The following TBC1D8 variants were observed in gnomAD, a reference collection of about 807,000 sequenced individuals.
TBC1D8 encodes TBC1 domain family member 8.
TBC1D8 carries 65 observed loss-of-function variants against 118.8 expected under a neutral mutation model. The ratio of observed to expected loss-of-function variants is 0.55; its 90% CI spans 0.45 to 0.67. TBC1D8 has a LOEUF of 0.67. Among genes scored for constraint, TBC1D8 ranks in the 30% least tolerant of loss-of-function variants. The pLI, the probability that TBC1D8 is intolerant of heterozygous loss-of-function variation, is 0.00. For synonymous variants in TBC1D8, 566 were observed against 595.8 expected, an observed-to-expected ratio of 0.95 and a Z score of 0.73; for missense variants, 1,376 against 1,471.2, an observed-to-expected ratio of 0.94 and a Z score of 1.06.
At chr2:101,067,451 C>T (rs137893528) in intron 2 of TBC1D8, among the ~76,000 whole-genome samples, 52 of 152,242 alleles carry the variant, frequency 3.4e-4, no homozygotes, top group African/African-American at 1.2e-3. Flanking sequence ...TAGACCACCA[C>T]GATAAAGCAA....
intron 1 of TBC1D8, among the ~76,000 whole-genome samples, chr2:101,097,217 T>G (rs1265381272): frequency 1.3e-5 from 2 of 151,954 alleles, no homozygotes; most frequent in Non-Finnish European, 2.9e-5. Context: ...CTATATCCAG[T>G]GAAATTATCC....
At chr2:101,049,066 C>T (rs1013630684) in intron 5 of TBC1D8, among the ~76,000 whole-genome samples, 2 of 152,294 alleles carry the variant, frequency 1.3e-5, no homozygotes, top group Non-Finnish European at 2.9e-5. Flanking sequence ...GCTGCAAACA[C>T]GGGCATACAA....
intron 1 of TBC1D8, among the ~76,000 whole-genome samples, chr2:101,115,290 A>C (rs1677771702): frequency 6.6e-6 from 1 of 152,248 alleles, no homozygotes; most frequent in South Asian, 2.1e-4. Context: ...GAAAAAAATC[A>C]AATGAAATTA....
intron 5 of TBC1D8, among the ~76,000 whole-genome samples, chr2:101,048,799 T>C (rs1028904729): frequency 2.0e-5 from 3 of 152,056 alleles, no homozygotes; most frequent in Non-Finnish European, 4.4e-5. Flanking sequence ...TTGAAGGAAC[T>C]TGGCATGTCA....
chr2:101,108,422 T>C (rs1677365273), intron 1 of TBC1D8, among the ~76,000 whole-genome samples: 1 of 152,220 alleles, frequency 6.6e-6, no homozygotes, highest in Non-Finnish European at 1.5e-5. Context: ...TGTATTCATT[T>C]GTTACTGCTG....
rs77424217 is a variant in TBC1D8, at chr2:101,148,201, G to A, written c.127+2926C>T. Among the ~76,000 whole-genome samples, 822 of 152,246 alleles carry A rather than the reference G, an allele frequency of 5.4e-3. 13 individuals carry two copies. The highest frequency in any genetic ancestry group is 5.8e-3 in the Non-Finnish European group (397 of 68,022). ...CACACCCCTCCAGCTTTCCATAATGGTCAGACTGCCAGGTAAACAGGAAGC... is the reference window on the plus strand; with the variant it reads ...CACACCCCTCCAGCTTTCCATAATGATCAGACTGCCAGGTAAACAGGAAGC... On this transcript the variant is annotated intron_variant, in intron 1 of 19. Transcript: ENST00000409318.
Position 101,059,434 on chromosome 2 carries a change from T to C in TBC1D8, c.389A>G (p.Lys130Arg), listed in dbSNP as rs770776507. 9.3e-6 allele frequency: 15 copies of C among 1,613,644 alleles called. No individual in the cohort carries two copies. The Admixed American group carries it at 2.5e-4, about 27-fold the overall frequency. The change falls in exon 3 of 20, where the codon AAA becomes AGA. Residue 130 changes from lysine to arginine, a missense_variant. By Grantham distance (26) the Lys-to-Arg change is conservative. Coordinates refer to ENST00000409318, the MANE Select transcript of TBC1D8 (RefSeq NM_001330348.2). ...CAGGGGACCTACCTTTACCTTCCCT[T>C]TGACAAAACTGGCAATGTCATCTTT... is the stretch of plus-strand genomic sequence containing the variant. ...DNKDDIASFV[K>R]GKVKALIAEE...
At chr2:101,008,987 CTGT>C (rs1167072123) in intron 19 of TBC1D8, among the ~76,000 whole-genome samples, 7 of 152,304 alleles carry the variant, frequency 4.6e-5, no homozygotes, top group African/African-American at 7.2e-5. Context: ...AGAGTGATGC[CTGT>C]TGTTTTCTCA....
Position 101,022,627 on chromosome 2 carries a change from C to T in TBC1D8, c.2521-106G>A, listed in dbSNP as rs551913084. On this transcript the variant is annotated intron_variant, in intron 15 of 19. Coordinates refer to ENST00000409318, the MANE Select transcript of TBC1D8 (RefSeq NM_001330348.2). ...ATTACTCACAATCTCACCACTCTAA[C>T]TGGATACGTAAAAGTGTTCCCTTGT... The T allele has an allele frequency of 3.1e-5, 45 of 1,442,398 alleles. 1 individual carries two copies. The South Asian group carries it at 6.1e-4, about 20-fold the overall frequency. The allele number at this position is 1,442,398 out of a possible 1,614,324, so 89.3% of individuals were successfully genotyped here.
Position 101,040,308 on chromosome 2 carries a change from A to G in TBC1D8, c.950T>C (p.Val317Ala). The change falls in exon 6 of 20, where the codon GTT becomes GCT. Residue 317 changes from valine (V) to alanine (A), a missense_variant. Coordinates refer to ENST00000409318, the MANE Select transcript of TBC1D8 (RefSeq NM_001330348.2). ...CGGCGTCCAGAGCGAACAGTCCACA[A>G]CCGCGTGCAGCTTCTCCTTCCTCGG... Reference protein sequence around the residue: ...RLPRKEKLHAVVDCSLWTPFS... With the variant: ...RLPRKEKLHAAVDCSLWTPFS... 6.2e-7 allele frequency: 1 copy of G among 1,614,024 alleles called. No homozygotes were observed. Among genetic ancestry groups the G allele is most frequent in the Non-Finnish European group, 8.5e-7 (1 of 1,179,894 alleles).
At chr2:101,058,534 A>G (rs1482061466) in intron 3 of TBC1D8, among the ~76,000 whole-genome samples, 2 of 152,220 alleles carry the variant, frequency 1.3e-5, no homozygotes, top group African/African-American at 4.8e-5. Context: ...CTTTTAAAGC[A>G]CTGATTACCC....
At chr2:101,088,596 A>G (rs1675801914) in intron 2 of TBC1D8, among the ~76,000 whole-genome samples, 1 of 150,706 alleles carries the variant, frequency 6.6e-6, no homozygotes, top group Admixed American at 6.6e-5. Flanking sequence ...TCTCTTTTTT[A>G]AGAAATGGGC....
At position 101,010,964 on chromosome 2, in the gene TBC1D8, C is replaced by G; in HGVS notation, c.2980G>C (p.Asp994His). ...QMIKDLAKEK[D>H]KTEKELPKMS... Reference sequence around the variant, plus strand: ...TTGGGCAATTCTTTCTCAGTTTTATCTTTTTCTTTGGCTAAATCCTTAATC... The same window carrying G: ...TTGGGCAATTCTTTCTCAGTTTTATGTTTTTCTTTGGCTAAATCCTTAATC... The change falls in exon 19 of 20, where the codon GAT becomes CAT. Residue 994 changes from aspartate to histidine, a missense_variant. By Grantham distance (81) the Asp-to-His change is moderately conservative. Transcript: ENST00000409318. 6.2e-7 allele frequency: 1 copy of G among 1,612,162 alleles called. No homozygotes were observed. The highest frequency in any genetic ancestry group is 8.5e-7 in the Non-Finnish European group (1 of 1,179,704).
At chr2:101,037,333 G>A (rs987731626) in intron 8 of TBC1D8, among the ~76,000 whole-genome samples, 199 bp downstream of exon 8, 5 of 152,232 alleles carry the variant, frequency 3.3e-5, no homozygotes, top group African/African-American at 1.2e-4. Context: ...GAGGTTTACC[G>A]AAGGGTGGGT....
chr2:101,105,261 T>C (rs1249268554), intron 1 of TBC1D8, among the ~76,000 whole-genome samples: 3 of 152,036 alleles, frequency 2.0e-5, no homozygotes, highest in African/African-American at 7.2e-5. Flanking sequence ...ATATCCAAAA[T>C]ATACAAAGAA....
chr2:101,030,892 T>A (rs554335529), intron 11 of TBC1D8, among the ~76,000 whole-genome samples: 1 of 152,342 alleles, frequency 6.6e-6, no homozygotes, highest in Non-Finnish European at 1.5e-5. Context: ...CAAAAGACCC[T>A]GTCCTCCATG....
chr2:101,023,653 G>A lies in TBC1D8; in HGVS notation c.2521-1132C>T, dbSNP rs116308567. On this transcript the variant is annotated intron_variant, in intron 15 of 19. Coordinates refer to ENST00000409318, the MANE Select transcript of TBC1D8 (RefSeq NM_001330348.2). ...TTTTTTTAAGGTGAGTTGAAGTCTT[G>A]GGAATAGACTGAAAACTAACAAAAC... 2.6e-3 allele frequency: 1,087 copies of A among 423,184 alleles called. 16 individuals carry two copies. The highest frequency in any genetic ancestry group is 0.022 in the African/African-American group (1,020 of 46,582). 26.2% of individuals were successfully genotyped at this position (423,184 alleles called of 1,614,324 possible).
intron 5 of TBC1D8, 37 bp downstream of exon 5, chr2:101,050,364 G>C (rs779873108): frequency 6.3e-7 from 1 of 1,595,880 alleles, no homozygotes. Flanking sequence ...TGGGTCCCCC[G>C]TGCGGGTGGG....
intron 1 of TBC1D8, among the ~76,000 whole-genome samples, chr2:101,133,897 G>C (rs1260733607): frequency 6.6e-6 from 1 of 152,164 alleles, no homozygotes; most frequent in Non-Finnish European, 1.5e-5. Flanking sequence ...GCCTTCACAA[G>C]TCAGCAGGAC....
Sources: gnomAD v4.1 joint callset for allele counts (sites outside exome capture counted in the v4.1 genomes callset) on GRCh38, gnomAD v4.1.1 for gene constraint, MANE v1.5 for transcripts, NCBI Gene and HGNC (gene_info 2026-07-23, HGNC 2026-07-21) for gene names.